Variants in GPAM observed in about 807,000 individuals in gnomAD.
GPAM encodes the protein glycerol-3-phosphate acyltransferase 1, mitochondrial.
GPAM carries 56 observed loss-of-function variants against 105.0 expected under a neutral mutation model. That is an observed-to-expected ratio of 0.53 (90% CI 0.43 to 0.67). GPAM has a LOEUF of 0.67. Among genes scored for constraint, GPAM ranks in the 30% least tolerant of loss-of-function variants. The pLI is 0.00. For synonymous variants in GPAM, 368 were observed against 354.4 expected (o/e 1.04, Z -0.43); for missense variants, 855 against 989.8 (o/e 0.86, Z 1.83).
Position 112,152,444 on chromosome 10 carries a change from A to C in GPAM, c.*1106T>G. 1 of 985,450 alleles carries C rather than the reference A, an allele frequency of 1.0e-6. No individual in the cohort carries two copies. The highest frequency in any genetic ancestry group is 1.2e-6 in the Non-Finnish European group (1 of 829,932). 61.0% of individuals were successfully genotyped at this position (985,450 alleles called of 1,614,324 possible). On this transcript the variant is annotated 3_prime_UTR_variant, in exon 22 of 22. Coordinates refer to ENST00000348367, the MANE Select transcript of GPAM (RefSeq NM_001244949.2). Reference sequence around the variant, plus strand: ...TTTTCCTCAAAGCTAAAAATCCATAAATGCCTCTAACCATTACCAGTCAGT... The same window carrying C: ...TTTTCCTCAAAGCTAAAAATCCATACATGCCTCTAACCATTACCAGTCAGT...
intron 11 of GPAM, 51 bp from the exon 12 acceptor site, chr10:112,166,566 CACAA>C (rs1564677349): frequency 4.3e-6 from 4 of 941,136 alleles, no homozygotes; most frequent in Non-Finnish European, 7.1e-6. Flanking sequence ...CCAACACATA[CACAA>C]ACATTCTATT....
intron 4 of GPAM, among the ~76,000 whole-genome samples, chr10:112,179,935 T>C (rs117334161): frequency 0.026 from 3,918 of 152,246 alleles, 74 homozygotes; most frequent in Non-Finnish European, 0.042. Flanking sequence ...GCAAAAGATA[T>C]TGCATGGCTT....
At position 112,181,664 on chromosome 10, in the gene GPAM, ACTCT is replaced by A. The variant is rs752084326; in HGVS notation, c.102+15_102+18del. ...AACATTTTTAGGCTGAGTGCTTTTAACTCTTATCCTAAACTTACCCATTCCTCAC... is the reference window on the plus strand; with the variant it reads ...AACATTTTTAGGCTGAGTGCTTTTAATATCCTAAACTTACCCATTCCTCAC... On this transcript the variant is annotated intron_variant, in intron 3 of 21. Coordinates refer to ENST00000348367, the MANE Select transcript of GPAM (RefSeq NM_001244949.2). 7.3e-7 allele frequency: 1 copy of A among 1,364,746 alleles called. No individual in the cohort carries two copies. Among genetic ancestry groups the A allele is most frequent in the South Asian group, 1.2e-5 (1 of 86,248 alleles). 84.5% of individuals were successfully genotyped at this position (1,364,746 alleles called of 1,614,324 possible). A position where few individuals can be genotyped will look rare whatever the true frequency, so the allele number is the denominator to read the frequency against.
chr10:112,151,664 CAG>C lies in GPAM; in HGVS notation c.*1884_*1885del. On this transcript the variant is annotated 3_prime_UTR_variant, in exon 22 of 22. Coordinates refer to ENST00000348367, the MANE Select transcript of GPAM (RefSeq NM_001244949.2). ...CTCTTTGCAGCAATGACAGGCAGGG[CAG>C]AGTGTCGACTGGGAAGCGAGTCCCA... The C allele has an allele frequency of 1.0e-6, 1 of 985,292 alleles. No homozygotes were observed. The highest frequency in any genetic ancestry group is 1.2e-6 in the Non-Finnish European group (1 of 829,854). 61.0% of individuals were successfully genotyped at this position (985,292 alleles called of 1,614,324 possible).
intron 14 of GPAM, 66 bp downstream of exon 14, chr10:112,163,635 G>C: frequency 2.4e-6 from 2 of 826,440 alleles, no homozygotes; most frequent in Non-Finnish European, 4.3e-6. Context: ...TCCAAAATCT[G>C]TATAGTTTGC....
upstream of GPAM, among the ~76,000 whole-genome samples, chr10:112,187,565 AC>A (rs1847610373): frequency 6.6e-6 from 1 of 152,164 alleles, no homozygotes; most frequent in African/African-American, 2.4e-5. Flanking sequence ...TAAATCAAAA[AC>A]TAATCGAATT....
At position 112,181,818 on chromosome 10, in the gene GPAM, A is replaced by G. The variant is rs769937172; in HGVS notation, c.-29-5T>C. Reference sequence around the variant, plus strand: ...GTGTAATTCCCAAATCATGTGCTATAAAAAATAGGTACCATTTAAATTAAC... The same window carrying G: ...GTGTAATTCCCAAATCATGTGCTATGAAAAATAGGTACCATTTAAATTAAC... On this transcript the variant is annotated splice_polypyrimidine_tract_variant and splice_region_variant and intron_variant, in intron 2 of 21. Transcript: ENST00000348367. 8.8e-7 allele frequency: 1 copy of G among 1,139,364 alleles called. No individual in the cohort carries two copies. The highest frequency in any genetic ancestry group is 1.2e-5 in the South Asian group (1 of 81,598). The allele number at this position is 1,139,364 out of a possible 1,614,324, so 70.6% of individuals were successfully genotyped here.
rs539374804 is a variant in GPAM, at chr10:112,178,177, T to A, written c.226-120A>T. On this transcript the variant is annotated intron_variant, in intron 4 of 21. Coordinates refer to ENST00000348367, the MANE Select transcript of GPAM (RefSeq NM_001244949.2). ...ATAAAAACAGATATTGCCTCAAAAA[T>A]CTTAGGGAAGAAAAAAGTTTTATTG... The A allele has an allele frequency of 2.6e-5, 17 of 646,978 alleles. No homozygotes were observed. In the East Asian group the frequency reaches 4.6e-4, roughly 17 times the overall value. 40.1% of individuals were successfully genotyped at this position (646,978 alleles called of 1,614,324 possible). A position where few individuals can be genotyped will look rare whatever the true frequency, so the allele number is the denominator to read the frequency against.
intron 20 of GPAM, 47 bp downstream of exon 20, chr10:112,155,815 CCA>C: frequency 9.3e-7 from 1 of 1,071,038 alleles, no homozygotes; most frequent in Non-Finnish European, 1.3e-6. Flanking sequence ...TTTCTGAAAT[CCA>C]AAAAAAAAAA....
the GPAM span, among the ~76,000 whole-genome samples, chr10:112,226,703 C>T: frequency 1.6e-4 from 25 of 152,258 alleles, no homozygotes; most frequent in African/African-American, 3.9e-4. Context: ...ATGCATCAAG[C>T]GACTGAGCTG....
At chr10:112,207,113 CCA>C (rs1223615899) in intron 1 of GPAM, among the ~76,000 whole-genome samples, 1 of 152,200 alleles carries the variant, frequency 6.6e-6, no homozygotes, top group Non-Finnish European at 1.5e-5. Context: ...TGATTTTGCT[CCA>C]CAGGGGATAT....
Position 112,181,696 on chromosome 10 carries a change from G to A in GPAM, c.89C>T (p.Thr30Ile), listed in dbSNP as rs570833787. ...TCCTAAACTTACCCATTCCTCACTT[G>A]TGTGCTTACATCGACCAACACTGTA... is the stretch of plus-strand genomic sequence containing the variant. ...SEYSVGRCKH[T>I]SEEWGECGFR... The change falls in exon 3 of 22, where the codon ACA becomes ATA. Residue 30 changes from threonine to isoleucine, a missense_variant. Physicochemically the swap from Thr to Ile is moderately conservative, Grantham distance 89 (BLOSUM62 -1). Coordinates refer to ENST00000348367, the MANE Select transcript of GPAM (RefSeq NM_001244949.2). The A allele has an allele frequency of 1.3e-6, 2 of 1,587,102 alleles. No homozygotes were observed. Among genetic ancestry groups the A allele is most frequent in the Admixed American group, 1.7e-5 (1 of 59,984 alleles).
upstream of GPAM, among the ~76,000 whole-genome samples, chr10:112,186,401 G>A (rs1440957713): frequency 6.6e-6 from 1 of 151,800 alleles, no homozygotes; most frequent in East Asian, 1.9e-4. Context: ...TATAAGCAAT[G>A]TTAAAGAAAG....
At chr10:112,158,759 T>C (rs1847065261) in intron 17 of GPAM, among the ~76,000 whole-genome samples, 1 of 152,186 alleles carries the variant, frequency 6.6e-6, no homozygotes, top group Non-Finnish European at 1.5e-5. Context: ...GCAATAGTTA[T>C]CTTATAATAA....
chr10:112,198,386 A>G (rs1847750431), intron 1 of GPAM, among the ~76,000 whole-genome samples: 1 of 152,236 alleles, frequency 6.6e-6, no homozygotes, highest in African/African-American at 2.4e-5. Context: ...TAACAACTAT[A>G]CTACTGATTG....
At chr10:112,165,296 G>A (rs182494770) in intron 12 of GPAM, among the ~76,000 whole-genome samples, 1 of 152,314 alleles carries the variant, frequency 6.6e-6, no homozygotes, top group East Asian at 1.9e-4. Flanking sequence ...GGACCTGCCA[G>A]TCCCAGACTT....
At chr10:112,182,141 T>C (rs994953849) in intron 2 of GPAM, among the ~76,000 whole-genome samples, 2 of 152,118 alleles carry the variant, frequency 1.3e-5, no homozygotes, top group African/African-American at 4.8e-5. Context: ...CAAAATAGTA[T>C]CCAAACAAAA....
upstream of GPAM, among the ~76,000 whole-genome samples, chr10:112,216,873 C>T (rs1045798813): frequency 3.3e-5 from 5 of 151,688 alleles, no homozygotes; most frequent in Non-Finnish European, 7.4e-5. Context: ...ATCCACCTGC[C>T]TTAGCCTCCC....
intron 3 of GPAM, among the ~76,000 whole-genome samples, chr10:112,181,389 GAGAA>G (rs1272050947): frequency 6.6e-6 from 1 of 151,838 alleles, no homozygotes; most frequent in African/African-American, 2.4e-5. Context: ...TACATACCAA[GAGAA>G]AGAAAGAAAA....
Sources: gnomAD v4.1 joint callset for allele counts (sites outside exome capture counted in the v4.1 genomes callset) on GRCh38, gnomAD v4.1.1 for gene constraint, MANE v1.5 for transcripts, NCBI Gene and HGNC (gene_info 2026-07-23, HGNC 2026-07-21) for gene names.